Variants in SWT1 observed in about 807,000 individuals in gnomAD.
SWT1 encodes the protein SWT1 RNA endoribonuclease homolog.
A neutral mutation model predicts 107.3 loss-of-function variants in SWT1; 33 were observed. The observed-to-expected ratio is 0.31, with a 90% CI of 0.23 to 0.41. The LOEUF is 0.41. Among genes scored for constraint, SWT1 ranks in the 10% least tolerant of loss-of-function variants. The probability of loss-of-function intolerance (pLI) is 1.00; values close to 1 mark genes in which losing one functional copy is unlikely to be tolerated. For missense variants in SWT1, 898 were observed against 1,028.9 expected, an observed-to-expected ratio of 0.87 and a Z score of 1.74; for synonymous variants, 345 against 348.3, an observed-to-expected ratio of 0.99 and a Z score of 0.11.
At chr1:185,266,378 T>G (rs906269140) in intron 16 of SWT1, among the ~76,000 whole-genome samples, 14 of 152,224 alleles carry the variant, frequency 9.2e-5, no homozygotes, top group Non-Finnish European at 7.3e-5. Context: ...AATTAAATAT[T>G]AAACTGGAAT....
intron 10 of SWT1, among the ~76,000 whole-genome samples, chr1:185,196,362 A>G (rs901839147): frequency 1.3e-5 from 2 of 152,194 alleles, no homozygotes; most frequent in East Asian, 3.8e-4. Context: ...TTTTGGTACC[A>G]GTACCATACT....
At chr1:185,162,994 A>G (rs1405621715) in intron 2 of SWT1, among the ~76,000 whole-genome samples, 1 of 152,068 alleles carries the variant, frequency 6.6e-6, no homozygotes, top group African/African-American at 2.4e-5. Flanking sequence ...AAAATACTTC[A>G]TTGCTAAAAA....
chr1:185,264,290 T>C (rs1663231102), intron 16 of SWT1: 3 of 932,948 alleles, frequency 3.2e-6, no homozygotes, highest in Non-Finnish European at 3.8e-6. Context: ...TGATTTCTCC[T>C]ATTGATGTTT....
At chr1:185,263,775 A>G (rs2102702697) in intron 16 of SWT1, 1 of 152,226 alleles carries the variant, frequency 6.6e-6, no homozygotes. Context: ...TGAAACTGGG[A>G]CTAGAATTTT....
chr1:185,167,780 T>C (rs1654708858), intron 3 of SWT1, among the ~76,000 whole-genome samples: 1 of 152,224 alleles, frequency 6.6e-6, no homozygotes, highest in South Asian at 2.1e-4. Flanking sequence ...TTTCTCAGAA[T>C]GCCTTCTTTT....
At chr1:185,214,344 A>G (rs1659053549) in intron 13 of SWT1, among the ~76,000 whole-genome samples, 163 bp from the exon 14 acceptor site, 1 of 152,230 alleles carries the variant, frequency 6.6e-6, no homozygotes, top group South Asian at 2.1e-4. Context: ...AACTAAATCT[A>G]TTTAATTATT....
intron 15 of SWT1, 67 bp from the exon 16 acceptor site, chr1:185,231,510 C>T: frequency 8.7e-7 from 1 of 1,153,394 alleles, no homozygotes; most frequent in Non-Finnish European, 1.3e-6. Context: ...ACATTTGCAG[C>T]TGAAATACTT....
chr1:185,249,109 G>C (rs1287296991), intron 16 of SWT1, among the ~76,000 whole-genome samples: 1 of 152,078 alleles, frequency 6.6e-6, no homozygotes, highest in Non-Finnish European at 1.5e-5. Context: ...TTAGAGGCTG[G>C]ATCTCCAGCC....
rs1377798703 is a variant in SWT1 at position 185,160,272 on chromosome 1, G to T, written c.-9-561G>T. 2.6e-5 allele frequency among the ~76,000 whole-genome samples: 4 copies of T among 152,246 alleles called. No individual in the cohort carries two copies. The East Asian group carries it at 7.7e-4, about 29-fold the overall frequency. ...ATCTGATGCTTAAGTGAGAAGTCAG[G>T]GATCAAGGCATGGTTTGAGACTCAT... On this transcript the variant is annotated intron_variant, in intron 1 of 18. Transcript: ENST00000367500.
At chr1:185,221,761 A>G (rs1271719955) in intron 14 of SWT1, 88 bp from the exon 15 acceptor site, 1 of 875,422 alleles carries the variant, frequency 1.1e-6, no homozygotes, top group Non-Finnish European at 1.7e-6. Context: ...TCAGAAAGCT[A>G]GAACATTTGT....
chr1:185,199,178 C>T (rs1419093044), intron 10 of SWT1, among the ~76,000 whole-genome samples: 2 of 152,114 alleles, frequency 1.3e-5, no homozygotes, highest in African/African-American at 4.8e-5. Flanking sequence ...CCTCGTGATC[C>T]ACCCACCTTG....
At chr1:185,241,597 T>G (rs748230609) in intron 16 of SWT1, among the ~76,000 whole-genome samples, 1 of 152,172 alleles carries the variant, frequency 6.6e-6, no homozygotes, top group Non-Finnish European at 1.5e-5. Flanking sequence ...TTATAATCAG[T>G]TCCTTAATAC....
chr1:185,264,387 A>G (rs537648828), intron 16 of SWT1: 5 of 985,378 alleles, frequency 5.1e-6, no homozygotes, highest in African/African-American at 1.7e-5. Context: ...CCTTATGAGA[A>G]GAGAACAAGT....
At chr1:185,202,312 C>G (rs1657949366) in intron 10 of SWT1, among the ~76,000 whole-genome samples, 1 of 152,136 alleles carries the variant, frequency 6.6e-6, no homozygotes, top group Non-Finnish European at 1.5e-5. Context: ...TAATCACATT[C>G]CTGTATTCAA....
intron 16 of SWT1, among the ~76,000 whole-genome samples, chr1:185,257,166 A>G (rs1015891963): frequency 6.6e-6 from 1 of 152,062 alleles, no homozygotes; most frequent in Non-Finnish European, 1.5e-5. Flanking sequence ...GTGCTGGGAG[A>G]ACCACTGCTC....
chr1:185,211,998 T>C (rs555476906), intron 13 of SWT1, among the ~76,000 whole-genome samples: 6 of 151,892 alleles, frequency 4.0e-5, no homozygotes, highest in African/African-American at 1.4e-4. Flanking sequence ...TAGGTGGGAA[T>C]TGAACAATGA....
chr1:185,176,252 C>T (rs1007433692), intron 5 of SWT1, among the ~76,000 whole-genome samples: 1 of 127,656 alleles, frequency 7.8e-6, no homozygotes, highest in African/African-American at 3.0e-5. Context: ...TGTAACTGCA[C>T]TCCAACCTAG....
chr1:185,221,048 CAG>C (rs1659616704), intron 14 of SWT1, among the ~76,000 whole-genome samples: 2 of 69,418 alleles, frequency 2.9e-5, no homozygotes, highest in Admixed American at 3.0e-4. Context: ...TGCGTGCACA[CAG>C]ACACACACAC....
At position 185,184,865 on chromosome 1, in the gene SWT1, G is replaced by C; in HGVS notation, c.1363G>C (p.Asp455His). The C allele has an allele frequency of 6.5e-7, 1 of 1,545,814 alleles. No individual in the cohort carries two copies. Among genetic ancestry groups the C allele is most frequent in the African/African-American group, 1.4e-5 (1 of 70,680 alleles). The change falls in exon 9 of 19, where the codon GAC becomes CAC. Residue 455 changes from aspartate to histidine, a missense_variant. Physicochemically the swap from Asp to His is moderately conservative, Grantham distance 81 (BLOSUM62 -1). Around this residue, in one of 6 missense-constraint regions of SWT1, gnomAD observed 34 missense variants for 50.2 expected, o/e 0.68. Transcript: ENST00000367500. ...TATACCTGCAGTTCATTTCATCAAC[G>C]ACAGTCTCAAAAATCAAGATAGAAA... Reference protein sequence around the residue: ...KAIPAVHFINDSLKNQDRKLW... With the variant: ...KAIPAVHFINHSLKNQDRKLW...
Sources: allele counts gnomAD v4.1 joint callset (sites outside exome capture counted in the v4.1 genomes callset), GRCh38; gene constraint gnomAD v4.1.1; regional missense constraint gnomAD v4.1.1; transcripts MANE v1.5; gene names NCBI Gene and HGNC (gene_info 2026-07-23, HGNC 2026-07-21).